The following GSTM3 variants were observed in gnomAD, a reference collection of about 807,000 sequenced individuals.
GSTM3 encodes the protein glutathione S-transferase mu 3.
In GSTM3, 34 loss-of-function variants were observed where a neutral mutation model predicts 36.1. The observed-to-expected ratio is 0.94, with a 90% CI of 0.72 to 1.25. GSTM3 has a LOEUF of 1.25. Among genes scored for constraint, GSTM3 ranks in the 50% most tolerant of loss-of-function variants. The pLI is 0.00. For missense variants in GSTM3, 266 were observed against 281.6 expected (o/e 0.94, Z 0.40); for synonymous variants, 102 against 99.5 (o/e 1.03, Z -0.15).
At chr1:109,737,319 A>G (rs1649230891) in intron 8 of GSTM3, 138 bp downstream of exon 8, 2 of 811,962 alleles carry the variant, frequency 2.5e-6, no homozygotes, top group Non-Finnish European at 4.3e-6. Flanking sequence ...GGCTCTTCCC[A>G]AGACTTAAAG....
intron 3 of GSTM3, 50 bp from the exon 4 acceptor site, chr1:109,739,543 G>T: frequency 7.6e-7 from 1 of 1,324,346 alleles, no homozygotes; most frequent in South Asian, 1.2e-5. Flanking sequence ...TACCCCACCT[G>T]ACAAGAGCAA....
intron 3 of GSTM3, 21 bp downstream of exon 3, chr1:109,739,812 G>A: frequency 6.5e-7 from 1 of 1,530,864 alleles, no homozygotes; most frequent in South Asian, 1.2e-5. Context: ...TTGGCTGCAC[G>A]GGCACGCGGA....
At position 109,737,510 on chromosome 1, in the gene GSTM3, G is replaced by T; in HGVS notation, c.526C>A (p.Pro176Thr). The T allele has an allele frequency of 6.2e-7, 1 of 1,613,608 alleles. No homozygotes were observed. Among genetic ancestry groups the T allele is most frequent in the Non-Finnish European group, 8.5e-7 (1 of 1,179,682 alleles). The change falls in exon 8 of 9, where the codon CCC becomes ACC. Residue 176 changes from proline to threonine, a missense_variant. By Grantham distance (38) the Pro-to-Thr change is conservative. Coordinates refer to ENST00000361066, the MANE Select transcript of GSTM3 (RefSeq NM_000849.5). ...TTTGGGAACTCATCCAGGCACTTGGGGTCAAATATACGGTTCTGATCCAAG... is the reference window on the plus strand; with the variant it reads ...TTTGGGAACTCATCCAGGCACTTGGTGTCAAATATACGGTTCTGATCCAAG... ...DILDQNRIFD[P>T]KCLDEFPNLK...
At chr1:109,737,318 CAA>C in intron 8 of GSTM3, 137 bp downstream of exon 8, 1 of 815,398 alleles carries the variant, frequency 1.2e-6, no homozygotes, top group South Asian at 1.4e-5. Flanking sequence ...AGGCTCTTCC[CAA>C]GACTTAAAGG....
In GSTM3 at chr1:109,737,747, T is replaced by C. The variant is rs777336065; in HGVS notation, c.377A>G (p.Lys126Arg). Residue 126 changes from lysine (K) to arginine (R), a missense_variant, in exon 7 of 9, where the codon AAA becomes AGA. By Grantham distance (26) the Lys-to-Arg change is conservative (BLOSUM62 2). Transcript: ENST00000361066. ...IRLCYSSDHE[K>R]LKPQYLEELP... ...CTCTTCCAAGTACTGAGGCTTCAGT[T>C]TTTCCTGAGAGGAAAAAACAGAATG... The C allele has an allele frequency of 2.2e-5, 35 of 1,574,876 alleles. No homozygotes were observed. The highest frequency in any genetic ancestry group is 1.1e-5 in the South Asian group (1 of 87,668).
At chr1:109,737,331 T>C in intron 8 of GSTM3, 126 bp downstream of exon 8, 1 of 820,300 alleles carries the variant, frequency 1.2e-6, no homozygotes, top group Non-Finnish European at 2.1e-6. Flanking sequence ...GACTTAAAGG[T>C]CTAGAGGTGT....
intron 2 of GSTM3, 134 bp from the exon 3 acceptor site, chr1:109,740,042 G>A: frequency 1.7e-5 from 15 of 895,446 alleles, no homozygotes; most frequent in Non-Finnish European, 2.6e-5. Flanking sequence ...CCTAGGCCCG[G>A]CTCCGGCGTG....
chr1:109,738,762 T>A (rs752228305), intron 4 of GSTM3, among the ~76,000 whole-genome samples: 1 of 152,240 alleles, frequency 6.6e-6, no homozygotes. Flanking sequence ...TATATGTATA[T>A]ATTTACTTAC....
chr1:109,740,146 G>C, intron 2 of GSTM3, 94 bp downstream of exon 2: 1 of 1,174,120 alleles, frequency 8.5e-7, no homozygotes, highest in Non-Finnish European at 1.2e-6. Flanking sequence ...CTCCCGCGTA[G>C]AGCTGCTCCT....
intron 3 of GSTM3, 74 bp downstream of exon 3, chr1:109,739,759 C>G: frequency 8.4e-7 from 1 of 1,189,722 alleles, no homozygotes. Context: ...GCGACGCCAC[C>G]ACCCTCTGGG....
Position 109,739,834 on chromosome 1 carries a change from T to G in GSTM3, c.123A>C (p.Glu41Asp). The G allele has an allele frequency of 1.3e-6, 2 of 1,548,152 alleles. No individual in the cohort carries two copies. Among genetic ancestry groups the G allele is most frequent in the Non-Finnish European group, 1.7e-6 (2 of 1,143,328 alleles). ...CACGGGCACGCGGAGCGGCATTACC[T>G]TCCCCGCACGTGTACCGTTTCTCCT... ...SYEEKRYTCG[E>D]APDYDRSQWL... The change falls in exon 3 of 9, where the codon GAA becomes GAC. Residue 41 changes from glutamate to aspartate, a missense_variant and splice_region_variant. Transcript: ENST00000361066.
intron 6 of GSTM3, 106 bp downstream of exon 6, chr1:109,737,985 T>G: frequency 1.3e-6 from 1 of 775,090 alleles, no homozygotes. Context: ...CAATCTGGAT[T>G]GGTGGGAAGG....
intron 4 of GSTM3, 123 bp from the exon 5 acceptor site, chr1:109,738,489 G>C: frequency 1.5e-6 from 1 of 658,702 alleles, no homozygotes; most frequent in Non-Finnish European, 2.7e-6. Context: ...TGTGTTAGGA[G>C]AAAAAAGAAA....
intron 4 of GSTM3, 134 bp from the exon 5 acceptor site, chr1:109,738,500 A>G (rs936166822): frequency 1.6e-6 from 1 of 637,916 alleles, no homozygotes; most frequent in Non-Finnish European, 2.8e-6. Context: ...AAAAAAGAAA[A>G]TAAGTAGAAG....
At chr1:109,740,112 C>G (rs1649325649) in intron 2 of GSTM3, 128 bp downstream of exon 2, 2 of 969,784 alleles carry the variant, frequency 2.1e-6, no homozygotes, top group Non-Finnish European at 1.6e-6. Context: ...GGGTCGACAT[C>G]CGTGGCTCGG....
intron 4 of GSTM3, 27 bp downstream of exon 4, chr1:109,739,401 GC>G: frequency 6.4e-7 from 1 of 1,551,352 alleles, no homozygotes. Flanking sequence ...TTTCCCTTCT[GC>G]CCGCCACCTC....
chr1:109,737,996 T>C (rs1649254475), intron 6 of GSTM3, 95 bp downstream of exon 6: 1 of 821,430 alleles, frequency 1.2e-6, no homozygotes. Context: ...GGTGGGAAGG[T>C]AGCAGCAGCA....
chr1:109,740,345 T>C lies in GSTM3; in HGVS notation c.-58A>G, dbSNP rs1427103335. The stretch of plus-strand genomic sequence containing the variant: ...GAAACTGTGAGCGGGAGGGGCTTTA[T>C]ACCCGACATAAGGGGGCGGGGCCCA... On this transcript the variant is annotated 5_prime_UTR_variant, in exon 2 of 9. Transcript: ENST00000361066. 6.6e-6 allele frequency: 10 copies of C among 1,519,264 alleles called. No individual in the cohort carries two copies. Among genetic ancestry groups the C allele is most frequent in the East Asian group, 4.6e-5 (2 of 43,686 alleles). 94.1% of individuals were successfully genotyped at this position (1,519,264 alleles called of 1,614,324 possible).
In GSTM3 at chr1:109,736,979, A is replaced by G. The variant is rs1469094333; in HGVS notation, c.*92T>C. 65 of 744,924 alleles carry G rather than the reference A, an allele frequency of 8.7e-5. No homozygotes were observed. The highest frequency in any genetic ancestry group is 6.4e-4 in the South Asian group (40 of 62,738). 46.1% of individuals were successfully genotyped at this position (744,924 alleles called of 1,614,324 possible). On this transcript the variant is annotated 3_prime_UTR_variant, in exon 9 of 9. Coordinates refer to ENST00000361066, the MANE Select transcript of GSTM3 (RefSeq NM_000849.5). ...AGAAACTCAGCTGGACACCAGTAACATAAGTGCTATTCATTGAAAAGAGCA... is the reference window on the plus strand; with the variant it reads ...AGAAACTCAGCTGGACACCAGTAACGTAAGTGCTATTCATTGAAAAGAGCA...
Sources: allele counts gnomAD v4.1 joint callset (sites outside exome capture counted in the v4.1 genomes callset), GRCh38; gene constraint gnomAD v4.1.1; transcripts MANE v1.5; gene names NCBI Gene and HGNC (gene_info 2026-07-23, HGNC 2026-07-21).